FHAD1: variants seen among roughly 807,000 people sequenced by gnomAD.
FHAD1 encodes forkhead-associated domain-containing protein 1.
In FHAD1, 146 loss-of-function variants were observed where a neutral mutation model predicts 191.3. The observed-to-expected ratio is 0.76, with a 90% CI of 0.67 to 0.88. The LOEUF (loss-of-function observed/expected upper bound fraction) is 0.88, where lower values mean the gene tolerates loss of function less well. FHAD1 is among the 40% of genes least tolerant of loss of function. The pLI, the probability that FHAD1 is intolerant of heterozygous loss-of-function variation, is 0.00. For missense variants in FHAD1, 1,635 were observed against 1,785.8 expected, an observed-to-expected ratio of 0.92 and a Z score of 1.52; for synonymous variants, 616 against 672.3, an observed-to-expected ratio of 0.92 and a Z score of 1.29.
intron 33 of FHAD1, among the ~76,000 whole-genome samples, chr1:15,392,530 C>T (rs114549562): frequency 6.7e-6 from 1 of 149,192 alleles, no homozygotes; most frequent in African/African-American, 2.5e-5. Flanking sequence ...GACTCCGTCT[C>T]GAAAAAAAAA....
intron 28 of FHAD1, among the ~76,000 whole-genome samples, chr1:15,380,390 A>G (rs745602935): frequency 1.7e-4 from 26 of 152,226 alleles, no homozygotes; most frequent in Non-Finnish European, 3.4e-4. Context: ...ACACTGCCAA[A>G]TGGCCCAGGG....
chr1:15,255,069 G>T (rs1386471626), intron 2 of FHAD1, among the ~76,000 whole-genome samples: 1 of 150,952 alleles, frequency 6.6e-6, no homozygotes, highest in Non-Finnish European at 1.5e-5. Flanking sequence ...TTTATCATTT[G>T]TCTTATTTGT....
intron 33 of FHAD1, 79 bp downstream of exon 33, chr1:15,391,342 ATC>A: frequency 1.0e-6 from 1 of 954,566 alleles, no homozygotes; most frequent in Non-Finnish European, 1.4e-6. Context: ...TTGAGACGGA[ATC>A]TCACTCTGTT....
chr1:15,322,950 C>T (rs1191362394), intron 10 of FHAD1, among the ~76,000 whole-genome samples: 1 of 151,896 alleles, frequency 6.6e-6, no homozygotes, highest in South Asian at 2.1e-4. Context: ...TGGCGGGAGG[C>T]GAAAGGCACT....
chr1:15,383,225 T>C (rs1423877118), intron 31 of FHAD1: 1 of 471,026 alleles, frequency 2.1e-6, no homozygotes, highest in Non-Finnish European at 4.4e-6. Context: ...CATCCCTCGC[T>C]ATCTGCTGTC....
intron 21 of FHAD1, 73 bp downstream of exon 21, chr1:15,358,356 G>A (rs1570157133): frequency 7.0e-7 from 1 of 1,431,550 alleles, no homozygotes; most frequent in Non-Finnish European, 9.4e-7. Context: ...AGAATGTGTG[G>A]TTTAGACCGG....
At chr1:15,265,311 C>G (rs1414716281) in intron 2 of FHAD1, among the ~76,000 whole-genome samples, 1 of 152,192 alleles carries the variant, frequency 6.6e-6, no homozygotes, top group African/African-American at 2.4e-5. Context: ...TTCACAGGAA[C>G]TTCTCAAAAT....
chr1:15,242,677 G>A (rs12566565), upstream of FHAD1, among the ~76,000 whole-genome samples: 1 of 152,052 alleles, frequency 6.6e-6, no homozygotes, highest in African/African-American at 2.4e-5. Flanking sequence ...CAGAGCAGCC[G>A]GCCAGATAAT....
intron 1 of FHAD1, among the ~76,000 whole-genome samples, 161 bp downstream of exon 1, chr1:15,247,556 A>C (rs1246260189): frequency 6.6e-6 from 1 of 151,824 alleles, no homozygotes; most frequent in Non-Finnish European, 1.5e-5. Context: ...CCCCAACACC[A>C]GCCCCTCCTT....
chr1:15,375,730 G>C lies in FHAD1; in HGVS notation c.3705G>C (p.Ala1235=), dbSNP rs999565529. 49 of 1,530,276 alleles carry C rather than the reference G, an allele frequency of 3.2e-5. No individual in the cohort carries two copies. Among genetic ancestry groups the C allele is most frequent in the Non-Finnish European group, 4.0e-5 (46 of 1,140,704 alleles). The allele number at this position is 1,530,276 out of a possible 1,614,324, so 94.8% of individuals were successfully genotyped here. ...LPTLSRIEIL[A]PQNGLCNARF... ...CTCTCTCAAGAATAGAGATCCTAGC[G>C]GTAACCAAAGAAAATTCTCTCTGCT... The change falls in exon 28 of 34, where the codon GCG becomes GCC. Residue 1235 remains alanine, a splice_region_variant and synonymous_variant. Transcript: ENST00000688493.
chr1:15,314,061 AAATAATAATAATAATAATAAT>A (rs59696318), intron 8 of FHAD1, among the ~76,000 whole-genome samples: 17 of 146,408 alleles, frequency 1.2e-4, no homozygotes, highest in East Asian at 6.0e-4. Context: ...ACTCCGTCTC[AAATAATAATAATAATAATAAT>A]AATAATAATA....
intron 2 of FHAD1, among the ~76,000 whole-genome samples, chr1:15,269,221 C>T (rs1654868469): frequency 6.6e-6 from 1 of 152,104 alleles, no homozygotes; most frequent in South Asian, 2.1e-4. Context: ...TTATACTGCT[C>T]TTCTTCCTCT....
At position 15,311,569 on chromosome 1, in the gene FHAD1, C is replaced by T. The variant is rs1191894306; in HGVS notation, c.1040-1488C>T. Among the ~76,000 whole-genome samples the T allele has an allele frequency of 6.6e-6, 1 of 152,116 alleles. No homozygotes were observed. The highest frequency in any genetic ancestry group is 6.5e-5 in the Admixed American group (1 of 15,274). ...TAAGGAACTTAACTGTGTCCCCGGACGAAGCTCATTTTTACAATGAAATTC... is the reference window on the plus strand; with the variant it reads ...TAAGGAACTTAACTGTGTCCCCGGATGAAGCTCATTTTTACAATGAAATTC... On this transcript the variant is annotated intron_variant, in intron 7 of 33. Coordinates refer to ENST00000688493, the MANE Select transcript of FHAD1 (RefSeq NM_001391957.1). The surrounding 1 kb of genome is among the most constrained non-coding windows in gnomAD (Gnocchi z 4.1).
intron 2 of FHAD1, among the ~76,000 whole-genome samples, chr1:15,258,603 G>T (rs1649479177): frequency 2.0e-5 from 3 of 148,306 alleles, no homozygotes; most frequent in African/African-American, 2.5e-5. Context: ...TTTTTTAATG[G>T]AGTCAGAGTC....
chr1:15,387,948 G>A (rs1006385123), intron 31 of FHAD1, 103 bp from the exon 32 acceptor site: 6 of 485,828 alleles, frequency 1.2e-5, no homozygotes, highest in Middle Eastern at 6.9e-4. Context: ...ATCTCAGTGA[G>A]TCCCAGCGTC....
At chr1:15,250,880 G>T (rs1646687767) in intron 1 of FHAD1, among the ~76,000 whole-genome samples, 1 of 152,010 alleles carries the variant, frequency 6.6e-6, no homozygotes, top group Non-Finnish European at 1.5e-5. Context: ...AGAAGTTTAG[G>T]GTTCCTTGGA....
intron 2 of FHAD1, among the ~76,000 whole-genome samples, chr1:15,263,175 T>C (rs1651853043): frequency 6.6e-6 from 1 of 152,194 alleles, no homozygotes; most frequent in Admixed American, 6.5e-5. Flanking sequence ...TGTTGAGTTG[T>C]GGGGTTCTTT....
chr1:15,306,907 G>T (rs766058656), intron 6 of FHAD1, among the ~76,000 whole-genome samples: 1 of 152,226 alleles, frequency 6.6e-6, no homozygotes, highest in Non-Finnish European at 1.5e-5. Context: ...CCCTACTGGG[G>T]CATTGCCTAG....
intron 19 of FHAD1, among the ~76,000 whole-genome samples, chr1:15,349,880 A>T (rs1204580064): frequency 6.6e-6 from 1 of 151,974 alleles, no homozygotes; most frequent in African/African-American, 2.4e-5. Flanking sequence ...CACCAGACAC[A>T]CCTGCCCCGA....
Sources: allele counts gnomAD v4.1 joint callset (sites outside exome capture counted in the v4.1 genomes callset), GRCh38; gene constraint gnomAD v4.1.1; non-coding constraint Gnocchi (gnomAD v3.1); transcripts MANE v1.5; gene names NCBI Gene and HGNC (gene_info 2026-07-23, HGNC 2026-07-21).